SRPK1: variants seen among roughly 807,000 people sequenced by gnomAD.
SRPK1 encodes the protein SFRS protein kinase 1.
SRPK1 carries 52 observed loss-of-function variants against 89.5 expected under a neutral mutation model. The observed-to-expected ratio is 0.58, with a 90% CI of 0.46 to 0.73. The LOEUF (loss-of-function observed/expected upper bound fraction) is 0.73, where lower values mean the gene tolerates loss of function less well. Among genes scored for constraint, SRPK1 ranks in the 30% least tolerant of loss-of-function variants. SRPK1 has a pLI of 0.00. For missense variants in SRPK1, 603 were observed against 780.6 expected (o/e 0.77, Z 2.71); for synonymous variants, 255 against 270.2 (o/e 0.94, Z 0.55).
At chr6:35,910,821 G>A (rs1248506186) in intron 2 of SRPK1, among the ~76,000 whole-genome samples, 1 of 152,178 alleles carries the variant, frequency 6.6e-6, no homozygotes, top group Non-Finnish European at 1.5e-5. Context: ...TCTATAAATG[G>A]AACAACAAAG....
Position 35,869,589 on chromosome 6 carries a change from T to C in SRPK1, c.1304A>G (p.Gln435Arg). The C allele has an allele frequency of 6.2e-7, 1 of 1,614,006 alleles. No individual in the cohort carries two copies. Among genetic ancestry groups the C allele is most frequent in the Non-Finnish European group, 8.5e-7 (1 of 1,179,880 alleles). ...GCTAATGTGTTGTTCACTGAATGACTGACCTACAGTTGAGGAAGACTGGCA... is the reference window on the plus strand; with the variant it reads ...GCTAATGTGTTGTTCACTGAATGACCGACCTACAGTTGAGGAAGACTGGCA... ...MVCQSSSTVG[Q>R]SFSEQHISQL... The change falls in exon 11 of 16, where the codon CAG becomes CGG. Residue 435 changes from glutamine to arginine, a missense_variant. By Grantham distance (43) the Gln-to-Arg change is conservative (BLOSUM62 1). Transcript: ENST00000373825.
At chr6:35,856,386 T>G (rs1341675474) in intron 13 of SRPK1, among the ~76,000 whole-genome samples, 1 of 151,750 alleles carries the variant, frequency 6.6e-6, no homozygotes, top group Non-Finnish European at 1.5e-5. Flanking sequence ...GAGGGGGTAA[T>G]GCAAACCTCT....
intron 7 of SRPK1, among the ~76,000 whole-genome samples, chr6:35,873,516 G>C (rs551636157): frequency 6.6e-6 from 1 of 150,708 alleles, no homozygotes; most frequent in Non-Finnish European, 1.5e-5. Flanking sequence ...TTGAGATGGA[G>C]TCTTGCTCTG....
At chr6:35,880,565 T>C (rs1292075042) in intron 6 of SRPK1, among the ~76,000 whole-genome samples, 2 of 150,148 alleles carry the variant, frequency 1.3e-5, no homozygotes, top group East Asian at 2.0e-4. Context: ...TCTACTGATA[T>C]ACAAAAATTA....
chr6:35,904,532 G>C (rs1038677194), intron 2 of SRPK1, among the ~76,000 whole-genome samples: 2 of 152,210 alleles, frequency 1.3e-5, no homozygotes, highest in Non-Finnish European at 2.9e-5. Context: ...TGGGTGCAGT[G>C]GCTCACGCCT....
At chr6:35,847,686 CA>C (rs992154606) in intron 13 of SRPK1, among the ~76,000 whole-genome samples, 18 of 145,202 alleles carry the variant, frequency 1.2e-4, no homozygotes, top group South Asian at 4.3e-4. Flanking sequence ...ACAATAGCTA[CA>C]AAAAAAAAAT....
At chr6:35,903,322 G>A (rs577519052) in intron 2 of SRPK1, among the ~76,000 whole-genome samples, 93 of 152,154 alleles carry the variant, frequency 6.1e-4, no homozygotes, top group African/African-American at 2.1e-3. Flanking sequence ...GACCAGCCTG[G>A]CCAACCTGGT....
At chr6:35,900,339 T>C (rs1040624807) in intron 2 of SRPK1, among the ~76,000 whole-genome samples, 6 of 152,216 alleles carry the variant, frequency 3.9e-5, no homozygotes, top group African/African-American at 1.2e-4. Context: ...AATTTTAGCA[T>C]TGTAGGTAGA....
chr6:35,911,933 T>C (rs1190873390), intron 2 of SRPK1, among the ~76,000 whole-genome samples: 2 of 134,654 alleles, frequency 1.5e-5, no homozygotes, highest in African/African-American at 5.4e-5. Flanking sequence ...GAAAAATCTT[T>C]GGGTAAGGGA....
intron 2 of SRPK1, among the ~76,000 whole-genome samples, chr6:35,910,343 C>T (rs1401728151): frequency 1.3e-5 from 2 of 152,162 alleles, no homozygotes; most frequent in South Asian, 4.1e-4. Context: ...ATCATACCAA[C>T]CACAACATTC....
At chr6:35,846,485 A>T (rs952453815) in intron 13 of SRPK1, among the ~76,000 whole-genome samples, 2 of 150,680 alleles carry the variant, frequency 1.3e-5, no homozygotes, top group African/African-American at 4.9e-5. Flanking sequence ...CCAGCTACTC[A>T]GGAGGGTGAG....
In SRPK1 at chr6:35,888,859, T is replaced by C. The variant is rs1178813252; in HGVS notation, c.258A>G (p.Leu86=). The change falls in exon 4 of 16, where the codon TTA becomes TTG. Residue 86 remains leucine (L), a synonymous_variant. Coordinates refer to ENST00000373825, the MANE Select transcript of SRPK1 (RefSeq NM_003137.5). ...FNGRYHVIRK[L]GWGHFSTVWL... ...ATACTGTTGAAAAGTGTCCCCAGCC[T>C]AACTTTCGGATCACATGGTATCTCC... 5 of 1,613,272 alleles carry C rather than the reference T, an allele frequency of 3.1e-6. No individual in the cohort carries two copies. In the African/African-American group the frequency reaches 5.3e-5, roughly 17 times the overall value.
intron 2 of SRPK1, among the ~76,000 whole-genome samples, chr6:35,917,487 A>T (rs1199744922): frequency 4.6e-5 from 7 of 152,262 alleles, no homozygotes; most frequent in Non-Finnish European, 1.0e-4. Context: ...GTTAGTAAAT[A>T]AAAGCACAGC....
intron 12 of SRPK1, among the ~76,000 whole-genome samples, chr6:35,865,989 A>G (rs1199472661): frequency 1.3e-5 from 2 of 152,148 alleles, no homozygotes; most frequent in Non-Finnish European, 2.9e-5. Context: ...ACTAACATCT[A>G]GAATTTACAA....
At chr6:35,847,147 A>G (rs1769442897) in intron 13 of SRPK1, among the ~76,000 whole-genome samples, 1 of 152,246 alleles carries the variant, frequency 6.6e-6, no homozygotes, top group Non-Finnish European at 1.5e-5. Flanking sequence ...AGTCCTTACT[A>G]GAGCAATTAA....
At position 35,844,027 on chromosome 6, in the gene SRPK1, T is replaced by G. The variant is rs964376592; in HGVS notation, c.1621-1423A>C. On this transcript the variant is annotated intron_variant, in intron 13 of 15. Coordinates refer to ENST00000373825, the MANE Select transcript of SRPK1 (RefSeq NM_003137.5). ...GCAGTTTTTTTTTTTTTTTTTTGGA[T>G]GGAGTCTCGCTCTGTCGCCCAGGCT... 2.2e-5 allele frequency among the ~76,000 whole-genome samples: 3 copies of G among 137,018 alleles called. No individual in the cohort carries two copies. In the East Asian group the frequency reaches 6.2e-4, roughly 28 times the overall value. The allele number at this position is 137,018 out of a possible 152,430, so 89.9% of individuals were successfully genotyped here. A position where few individuals can be genotyped will look rare whatever the true frequency, so the allele number is the denominator to read the frequency against.
Position 35,871,471 on chromosome 6 carries a change from TATACTCTAG to T in SRPK1, c.752-521_752-513del, listed in dbSNP as rs1333178132. ...TAACAAAAAACACATAATAAAAATTTATACTCTAGATAAGTGTACATTCAGTGGTTTTAA... is the reference window on the plus strand; with the variant it reads ...TAACAAAAAACACATAATAAAAATTTATAAGTGTACATTCAGTGGTTTTAA... On this transcript the variant is annotated intron_variant, in intron 8 of 15. Transcript: ENST00000373825. Among the ~76,000 whole-genome samples, 6 of 152,342 alleles carry T rather than the reference TATACTCTAG, an allele frequency of 3.9e-5. No homozygotes were observed. In the South Asian group the frequency reaches 1.2e-3, roughly 32 times the overall value.
At position 35,846,417 on chromosome 6, in the gene SRPK1, C is replaced by T. The variant is rs185465877; in HGVS notation, c.1621-3813G>A. On this transcript the variant is annotated intron_variant, in intron 13 of 15. Coordinates refer to ENST00000373825, the MANE Select transcript of SRPK1 (RefSeq NM_003137.5). ...ACCAGCCTGGGCAACATGGTGAATC[C>T]CGTCTCTACCAAAAATACAAAAAAA... Among the ~76,000 whole-genome samples the T allele has an allele frequency of 3.7e-3, 565 of 152,068 alleles. 2 individuals carry two copies. Among genetic ancestry groups the T allele is most frequent in the African/African-American group, 0.013 (528 of 41,498 alleles).
At chr6:35,854,271 C>G (rs1234672835) in intron 13 of SRPK1, among the ~76,000 whole-genome samples, 6 of 152,034 alleles carry the variant, frequency 3.9e-5, no homozygotes, top group African/African-American at 1.4e-4. Flanking sequence ...CTTTTTATAA[C>G]TGCCCTTCTA....
Sources: gnomAD v4.1 joint callset for allele counts (sites outside exome capture counted in the v4.1 genomes callset) on GRCh38, gnomAD v4.1.1 for gene constraint, MANE v1.5 for transcripts, NCBI Gene and HGNC (gene_info 2026-07-23, HGNC 2026-07-21) for gene names.